Variants in FRY observed in about 807,000 individuals in gnomAD.
FRY encodes the protein FRY microtubule binding protein.
Under a neutral mutation model 348.4 loss-of-function variants are expected in FRY, and 128 were observed. That is an observed-to-expected ratio of 0.37 (90% confidence interval 0.32 to 0.43). FRY has a LOEUF of 0.43. Among genes scored for constraint, FRY ranks in the 20% least tolerant of loss-of-function variants. The pLI, the probability that FRY is intolerant of heterozygous loss-of-function variation, is 1.00. For missense variants in FRY, 2,736 were observed against 3,695.2 expected, an observed-to-expected ratio of 0.74 and a Z score of 6.73; for synonymous variants, 1,370 against 1,374.7, an observed-to-expected ratio of 1.00 and a Z score of 0.08.
intron 2 of FRY, chr13:32,085,697 A>T (rs1472067270): frequency 2.8e-6 from 1 of 351,314 alleles, no homozygotes; most frequent in Non-Finnish European, 5.6e-6. Flanking sequence ...GAGGGCTGAG[A>T]TGAATTTCTG....
chr13:32,071,961 A>G (rs758461529), intron 1 of FRY, among the ~76,000 whole-genome samples: 3 of 152,210 alleles, frequency 2.0e-5, no homozygotes, highest in African/African-American at 7.2e-5. Flanking sequence ...GGAAGCTCAA[A>G]AGATAACGTC....
rs529194979 is a variant in FRY, at chr13:32,236,499, A to G, written c.5810+327A>G. Among the ~76,000 whole-genome samples, 8 of 152,228 alleles carry G rather than the reference A, an allele frequency of 5.3e-5. No individual in the cohort carries two copies. The East Asian group carries it at 9.6e-4, about 18-fold the overall frequency. On this transcript the variant is annotated intron_variant, in intron 43 of 60. Transcript: ENST00000542859. ...CCAAATTTTATGTAATAATTATCCT[A>G]TTTATTACATTGGTAAAGAGAAGCA...
intron 22 of FRY, 93 bp downstream of exon 22, chr13:32,179,126 A>T: frequency 1.1e-6 from 1 of 890,928 alleles, no homozygotes; most frequent in Admixed American, 2.1e-5. Context: ...TGTGCCTGCC[A>T]TCTGGAGTAT....
At chr13:32,040,731 A>G (rs572118890) in intron 1 of FRY, among the ~76,000 whole-genome samples, 2 of 152,306 alleles carry the variant, frequency 1.3e-5, no homozygotes, top group African/African-American at 2.4e-5. Flanking sequence ...AAGTGCCAGT[A>G]TTCTTGGTCT....
intron 46 of FRY, among the ~76,000 whole-genome samples, chr13:32,242,439 A>C (rs1886563249): frequency 6.6e-6 from 1 of 152,212 alleles, no homozygotes; most frequent in Non-Finnish European, 1.5e-5. Context: ...ACTTTTTATT[A>C]ATAATTTTGA....
chr13:32,207,989 G>A (rs1884452967), intron 31 of FRY, among the ~76,000 whole-genome samples: 1 of 152,226 alleles, frequency 6.6e-6, no homozygotes, highest in African/African-American at 2.4e-5. Flanking sequence ...ACATAATGCT[G>A]TGCTTCTCTA....
chr13:32,268,723 G>A lies in FRY; in HGVS notation c.8136+1364G>A, dbSNP rs189631065. Among the ~76,000 whole-genome samples, 7 of 151,296 alleles carry A rather than the reference G, an allele frequency of 4.6e-5. No individual in the cohort carries two copies. In the East Asian group the frequency reaches 1.4e-3, roughly 29 times the overall value. On this transcript the variant is annotated intron_variant, in intron 55 of 60. Transcript: ENST00000542859. ...AGAATCTTGTTCTGTCGCCCATGCT[G>A]GAGTGCAGTAGCATGATCTCAGCTC...
intron 52 of FRY, 84 bp from the exon 53 acceptor site, chr13:32,262,230 A>G: frequency 9.1e-7 from 1 of 1,104,210 alleles, no homozygotes; most frequent in Non-Finnish European, 1.4e-6. Context: ...ATTAAGACGT[A>G]TTAACCAACA....
intron 3 of FRY, among the ~76,000 whole-genome samples, chr13:32,115,381 C>T (rs1433312521): frequency 6.6e-6 from 1 of 152,196 alleles, no homozygotes; most frequent in African/African-American, 2.4e-5. Context: ...GAATCACTGC[C>T]ATCACCTCAT....
intron 4 of FRY, 103 bp from the exon 5 acceptor site, chr13:32,124,182 TG>T: frequency 1.4e-6 from 1 of 729,962 alleles, no homozygotes; most frequent in South Asian, 1.6e-5. Context: ...ATTTTAAAAA[TG>T]GGTTTTGCAG....
intron 1 of FRY, among the ~76,000 whole-genome samples, chr13:32,051,321 T>C (rs944066870): frequency 2.6e-5 from 4 of 151,850 alleles, no homozygotes; most frequent in East Asian, 1.9e-4. Context: ...AAGTGTGTAG[T>C]TGGGAGAGGA....
chr13:32,176,938 T>C lies in FRY; in HGVS notation c.2422-1239T>C, dbSNP rs1380896033. ...GAGATTCTGGGATGTTCAGTACTTT[T>C]CTCAGGTCACAGGCTTTGGGCAGAG... is the stretch of plus-strand genomic sequence containing the variant. On this transcript the variant is annotated intron_variant, in intron 20 of 60. Transcript: ENST00000542859. 5.3e-5 allele frequency among the ~76,000 whole-genome samples: 8 copies of C among 152,220 alleles called. No homozygotes were observed. The East Asian group carries it at 1.5e-3, about 29-fold the overall frequency.
At chr13:32,291,422 C>T (rs188207) in intron 59 of FRY, among the ~76,000 whole-genome samples, 119,541 of 147,934 alleles carry the variant, frequency 0.81, 48,240 homozygotes, top group Non-Finnish European at 0.84. Context: ...TTTCTTTTTT[C>T]GAGATAGAAC....
intron 1 of FRY, among the ~76,000 whole-genome samples, chr13:32,045,723 A>G (rs780776975): frequency 6.6e-6 from 1 of 152,228 alleles, no homozygotes; most frequent in Non-Finnish European, 1.5e-5. Context: ...CAGTGATATC[A>G]TTGGAGTATT....
intron 33 of FRY, 70 bp from the exon 34 acceptor site, chr13:32,210,796 G>A (rs922024702): frequency 5.5e-6 from 7 of 1,271,352 alleles, no homozygotes; most frequent in Non-Finnish European, 8.0e-6. Context: ...TAAATGAGAG[G>A]TTTACTGGCC....
chr13:32,054,216 T>TG (rs918534042), intron 1 of FRY, among the ~76,000 whole-genome samples: 8 of 152,104 alleles, frequency 5.3e-5, no homozygotes, highest in South Asian at 4.1e-4. Flanking sequence ...CCCTTTTTTT[T>TG]TTGTTGTTCT....
chr13:32,218,936 GA>G (rs1885157774), intron 36 of FRY, 105 bp downstream of exon 36: 1 of 713,542 alleles, frequency 1.4e-6, no homozygotes, highest in Non-Finnish European at 2.6e-6. Flanking sequence ...AGGGCCTATA[GA>G]TATTAAGTAA....
chr13:32,118,229 C>A (rs989516112), intron 4 of FRY, among the ~76,000 whole-genome samples: 6 of 151,892 alleles, frequency 4.0e-5, no homozygotes, highest in African/African-American at 9.7e-5. Flanking sequence ...AATACACTTA[C>A]CTTTTTTAAA....
At position 32,244,193 on chromosome 13, in the gene FRY, G is replaced by A; in HGVS notation, c.6828+11G>A. The A allele has an allele frequency of 6.2e-7, 1 of 1,611,416 alleles. No homozygotes were observed. The highest frequency in any genetic ancestry group is 1.1e-5 in the South Asian group (1 of 90,942). On this transcript the variant is annotated intron_variant, in intron 47 of 60. Coordinates refer to ENST00000542859, the MANE Select transcript of FRY (RefSeq NM_023037.3). Reference sequence around the variant, plus strand: ...GAAAAATATGTGCAAGTGAGTACTTGGATAACTTCACTAAGCAACCAGTCG... The same window carrying A: ...GAAAAATATGTGCAAGTGAGTACTTAGATAACTTCACTAAGCAACCAGTCG...
Sources: allele counts gnomAD v4.1 joint callset (sites outside exome capture counted in the v4.1 genomes callset), GRCh38; gene constraint gnomAD v4.1.1; transcripts MANE v1.5; gene names NCBI Gene and HGNC (gene_info 2026-07-23, HGNC 2026-07-21).